The following LRRTM4 variants were observed in gnomAD, a reference collection of about 807,000 sequenced individuals.
LRRTM4 encodes leucine rich repeat transmembrane neuronal 4.
Under a neutral mutation model 47.6 loss-of-function variants are expected in LRRTM4, and 25 were observed. The ratio of observed to expected loss-of-function variants is 0.53; its 90% confidence interval spans 0.38 to 0.73. The LOEUF (loss-of-function observed/expected upper bound fraction) is 0.73, where lower values mean the gene tolerates loss of function less well. Ranked by LOEUF, LRRTM4 falls within the 30% of genes least tolerant of loss-of-function variation. The pLI is 0.00. For synonymous variants in LRRTM4, 311 were observed against 269.5 expected (o/e 1.15, Z -1.51); for missense variants, 638 against 713.4 (o/e 0.89, Z 1.20).
rs1553378692 is a variant in LRRTM4, at chr2:77,055,116, C to CTTAGAGTA, written c.1552-306201_1552-306200insTACTCTAA. Among the ~76,000 whole-genome samples the CTTAGAGTA allele has an allele frequency of 2.4e-4, 36 of 152,138 alleles. 1 individual carries two copies. The highest frequency in any genetic ancestry group is 7.2e-4 in the Admixed American group (11 of 15,264). Reference sequence around the variant, plus strand: ...ATACTGACTCCGCTACTTAGAGTTACCACAACCCACACAGAAAAGGAGCTG... The same window carrying CTTAGAGTA: ...ATACTGACTCCGCTACTTAGAGTTACTTAGAGTACACAACCCACACAGAAAAGGAGCTG... On this transcript the variant is annotated intron_variant, in intron 3 of 3. Coordinates refer to ENST00000409884, the MANE Select transcript of LRRTM4 (RefSeq NM_001134745.3).
chr2:77,129,350 TAC>T (rs1213571287), intron 3 of LRRTM4, among the ~76,000 whole-genome samples: 1 of 152,222 alleles, frequency 6.6e-6, no homozygotes, highest in Non-Finnish European at 1.5e-5. Flanking sequence ...CCTAAGCAGT[TAC>T]AGTTATGATA....
intron 3 of LRRTM4, among the ~76,000 whole-genome samples, chr2:76,843,283 G>T (rs1234048017): frequency 1.3e-5 from 2 of 152,076 alleles, no homozygotes; most frequent in South Asian, 2.1e-4. Flanking sequence ...TTGTACTTGA[G>T]CCTAAAAACT....
chr2:76,870,450 T>TG (rs548247624), intron 3 of LRRTM4, among the ~76,000 whole-genome samples: 1,771 of 151,978 alleles, frequency 0.012, 17 homozygotes, highest in Middle Eastern at 0.027. Context: ...GCTGAAATAC[T>TG]GGGGGAAAAA....
At chr2:76,948,171 A>C (rs1240012129) in intron 3 of LRRTM4, among the ~76,000 whole-genome samples, 1 of 151,876 alleles carries the variant, frequency 6.6e-6, no homozygotes, top group Non-Finnish European at 1.5e-5. Context: ...CAATGACAAA[A>C]AAAGTAGGAC....
chr2:76,919,046 G>C (rs1035444568), intron 3 of LRRTM4, among the ~76,000 whole-genome samples: 3 of 152,164 alleles, frequency 2.0e-5, no homozygotes, highest in Non-Finnish European at 4.4e-5. Context: ...CTAGGTGCCA[G>C]ATTCTAGGTA....
chr2:77,006,249 T>C (rs891667982), intron 3 of LRRTM4, among the ~76,000 whole-genome samples: 1 of 152,172 alleles, frequency 6.6e-6, no homozygotes, highest in Non-Finnish European at 1.5e-5. Context: ...ATCCATTCTT[T>C]AATCTGGACC....
intron 3 of LRRTM4, among the ~76,000 whole-genome samples, chr2:77,053,644 G>A (rs964810344): frequency 6.6e-6 from 1 of 151,976 alleles, no homozygotes; most frequent in Non-Finnish European, 1.5e-5. Flanking sequence ...GTAGCTGCTA[G>A]CCATTTCAAA....
chr2:76,859,258 G>A (rs1270513504), intron 3 of LRRTM4, among the ~76,000 whole-genome samples: 1 of 151,902 alleles, frequency 6.6e-6, no homozygotes, highest in African/African-American at 2.4e-5. Context: ...GTCATTTACT[G>A]TTTCTTTCTG....
chr2:77,220,534 C>G (rs1674589079), intron 3 of LRRTM4, among the ~76,000 whole-genome samples: 1 of 152,136 alleles, frequency 6.6e-6, no homozygotes, highest in Non-Finnish European at 1.5e-5. Context: ...CTGAAAACCA[C>G]AGCACCAGAA....
At chr2:77,017,534 A>G (rs2104090054) in intron 3 of LRRTM4, among the ~76,000 whole-genome samples, 1 of 152,294 alleles carries the variant, frequency 6.6e-6, no homozygotes, top group East Asian at 1.9e-4. Context: ...TGCTGGAGCT[A>G]AATGAAAGTA....
intron 3 of LRRTM4, among the ~76,000 whole-genome samples, chr2:76,834,331 G>A (rs916918493): frequency 7.9e-5 from 12 of 151,736 alleles, no homozygotes; most frequent in South Asian, 2.1e-4. Flanking sequence ...GATTATAGGC[G>A]TAAGCCACCA....
Position 77,345,169 on chromosome 2 carries a change from G to A in LRRTM4, c.1551+173149C>T, listed in dbSNP as rs563739657. 3.3e-5 allele frequency among the ~76,000 whole-genome samples: 5 copies of A among 151,278 alleles called. No homozygotes were observed. The East Asian group carries it at 9.7e-4, about 29-fold the overall frequency. ...GAGCAAGGAATGAACAGAAAAAAAT[G>A]AATAAAGATAAAACAATAAAATGGC... is the stretch of plus-strand genomic sequence containing the variant. On this transcript the variant is annotated intron_variant, in intron 3 of 3. Coordinates refer to ENST00000409884, the MANE Select transcript of LRRTM4 (RefSeq NM_001134745.3).
chr2:77,508,463 C>T (rs182800081), intron 3 of LRRTM4, among the ~76,000 whole-genome samples: 2 of 152,220 alleles, frequency 1.3e-5, no homozygotes, highest in African/African-American at 2.4e-5. Context: ...TATACTCAAC[C>T]ACTGGCCAAA....
At chr2:76,796,926 A>G (rs1042977348) in intron 3 of LRRTM4, among the ~76,000 whole-genome samples, 3 of 152,084 alleles carry the variant, frequency 2.0e-5, no homozygotes, top group African/African-American at 7.2e-5. Flanking sequence ...AAAAGAATAA[A>G]AAGAAATGAG....
intron 3 of LRRTM4, among the ~76,000 whole-genome samples, chr2:76,916,384 C>CCAAA (rs1674247326): frequency 1.9e-5 from 1 of 53,500 alleles, no homozygotes; most frequent in African/African-American, 8.0e-5. Flanking sequence ...GACTGTGTCT[C>CCAAA]AAAAAAAAAA....
intron 3 of LRRTM4, among the ~76,000 whole-genome samples, chr2:77,451,397 T>G (rs1201495741): frequency 6.6e-6 from 1 of 152,192 alleles, no homozygotes; most frequent in African/African-American, 2.4e-5. Context: ...AGTGCTGTTC[T>G]TTCTGATGAG....
At chr2:77,360,524 TACGATAC>T (rs1558706274) in intron 3 of LRRTM4, among the ~76,000 whole-genome samples, 7 of 134,306 alleles carry the variant, frequency 5.2e-5, no homozygotes, top group Non-Finnish European at 8.1e-5. Context: ...TACGATACGA[TACGATAC>T]GATACAATAC....
intron 3 of LRRTM4, among the ~76,000 whole-genome samples, chr2:77,313,529 G>A (rs2104205452): frequency 6.6e-6 from 1 of 152,000 alleles, no homozygotes; most frequent in Admixed American, 6.5e-5. Flanking sequence ...ACGTTTTCCT[G>A]GGACCTGGTG....
At chr2:77,055,419 G>A (rs1036892594) in intron 3 of LRRTM4, among the ~76,000 whole-genome samples, 3 of 152,080 alleles carry the variant, frequency 2.0e-5, no homozygotes, top group Non-Finnish European at 4.4e-5. Flanking sequence ...CATTTATGCA[G>A]CCAAAAAACA....
Sources: gnomAD v4.1 joint callset for allele counts (sites outside exome capture counted in the v4.1 genomes callset) on GRCh38, gnomAD v4.1.1 for gene constraint, MANE v1.5 for transcripts, NCBI Gene and HGNC (gene_info 2026-07-23, HGNC 2026-07-21) for gene names.